Variants in ARHGAP26 observed in about 807,000 individuals in gnomAD.
The protein encoded by ARHGAP26 is Rho GTPase activating protein 26.
Under a neutral mutation model 104.8 loss-of-function variants are expected in ARHGAP26, and 38 were observed. The observed-to-expected ratio is 0.36, with a 90% CI of 0.28 to 0.48. The LOEUF (loss-of-function observed/expected upper bound fraction) is 0.48. Ranked by LOEUF, ARHGAP26 falls within the 20% of genes least tolerant of loss-of-function variation. The pLI is 0.99. For missense variants in ARHGAP26, 704 were observed against 947.9 expected (o/e 0.74, Z 3.38); for synonymous variants, 341 against 340.0 (o/e 1.00, Z -0.03).
intron 20 of ARHGAP26, among the ~76,000 whole-genome samples, chr5:143,170,834 A>C (rs957090534): frequency 1.4e-4 from 21 of 152,192 alleles, no homozygotes; most frequent in African/African-American, 4.8e-4. Context: ...AAGCTACAGA[A>C]GCTGGGTGTG....
At chr5:142,888,510 C>CA (rs1049906539) in intron 5 of ARHGAP26, among the ~76,000 whole-genome samples, 5 of 152,240 alleles carry the variant, frequency 3.3e-5, no homozygotes, top group African/African-American at 1.2e-4. Flanking sequence ...ATTAAAAATT[C>CA]AACTTTTAGG....
At chr5:143,104,697 T>C (rs978693891) in intron 17 of ARHGAP26, among the ~76,000 whole-genome samples, 10 of 152,186 alleles carry the variant, frequency 6.6e-5, no homozygotes, top group African/African-American at 2.2e-4. Flanking sequence ...TTCTAAATTA[T>C]CGAATACCCA....
At chr5:143,072,150 A>G (rs1266803736) in intron 17 of ARHGAP26, among the ~76,000 whole-genome samples, 4 of 152,352 alleles carry the variant, frequency 2.6e-5, no homozygotes, top group Admixed American at 1.3e-4. Context: ...TGGCCTGCAA[A>G]TATATGAAAA....
intron 12 of ARHGAP26, among the ~76,000 whole-genome samples, chr5:143,019,542 T>G (rs1598656406): frequency 6.6e-6 from 1 of 152,298 alleles, no homozygotes; most frequent in East Asian, 1.9e-4. Flanking sequence ...CATTTTTCTT[T>G]GTAATGAGTC....
rs1164230771 is a variant in ARHGAP26 at position 143,214,049 on chromosome 5, T to C, written c.2152T>C (p.Ser718Pro). ...ALYACKAEHD[S>P]ELSFTAGTVF... ...GTATGCCTGCAAAGCTGAACATGAC[T>C]CAGAACTTTCGTTCACAGCAGGCAC... is the stretch of plus-strand genomic sequence containing the variant. Residue 718 changes from serine (S) to proline (P), a missense_variant, in exon 22 of 23, where the codon TCA becomes CCA. By Grantham distance (74) the Ser-to-Pro change is moderately conservative (BLOSUM62 -1). Coordinates refer to ENST00000645722, the MANE Select transcript of ARHGAP26 (RefSeq NM_001135608.3). 1 of 1,583,718 alleles carries C rather than the reference T, an allele frequency of 6.3e-7. No individual in the cohort carries two copies. The highest frequency in any genetic ancestry group is 1.4e-5 in the African/African-American group (1 of 72,810).
chr5:143,103,633 T>G (rs1415020680), intron 17 of ARHGAP26, among the ~76,000 whole-genome samples: 2 of 152,060 alleles, frequency 1.3e-5, no homozygotes, highest in African/African-American at 4.8e-5. Flanking sequence ...AAGAATAAGT[T>G]CATGTCCTTT....
chr5:142,781,068 T>C (rs1367175977), intron 1 of ARHGAP26, among the ~76,000 whole-genome samples: 1 of 152,180 alleles, frequency 6.6e-6, no homozygotes. Context: ...CTCACTGTTT[T>C]GAGAGGAGGC....
rs191116996 is a variant in ARHGAP26 at position 142,874,783 on chromosome 5, A to G, written c.251-327A>G. 9.0e-5 allele frequency: 19 copies of G among 210,360 alleles called. No individual in the cohort carries two copies. In the East Asian group the frequency reaches 1.2e-3, roughly 13 times the overall value. The allele number at this position is 210,360 out of a possible 1,614,324, so 13.0% of individuals were successfully genotyped here. On this transcript the variant is annotated intron_variant, in intron 2 of 22. Transcript: ENST00000645722. ...GTCGAATCCAGACAGGAAATCCTTC[A>G]ACTCCTAAGCGGAACTCTGCCCCTT...
At chr5:142,813,242 A>G (rs895136184) in intron 1 of ARHGAP26, among the ~76,000 whole-genome samples, 1 of 152,160 alleles carries the variant, frequency 6.6e-6, no homozygotes, top group Non-Finnish European at 1.5e-5. Context: ...AATTCTATAT[A>G]ATTTCTAAAA....
At chr5:142,922,831 C>T (rs1763381189) in intron 10 of ARHGAP26, among the ~76,000 whole-genome samples, 1 of 152,168 alleles carries the variant, frequency 6.6e-6, no homozygotes, top group African/African-American at 2.4e-5. Flanking sequence ...CCCTCCCCTT[C>T]TCACCCCTTG....
intron 17 of ARHGAP26, among the ~76,000 whole-genome samples, chr5:143,069,435 A>C (rs1387520776): frequency 1.3e-5 from 2 of 152,168 alleles, no homozygotes; most frequent in African/African-American, 4.8e-5. Context: ...ATGATGTCTC[A>C]GTTCCAACTA....
At chr5:142,901,316 CATAAGTGA>C (rs529286312) in intron 6 of ARHGAP26, among the ~76,000 whole-genome samples, 1 of 152,268 alleles carries the variant, frequency 6.6e-6, no homozygotes, top group Non-Finnish European at 1.5e-5. Context: ...GGGAAACCAC[CATAAGTGA>C]AAATGTGGGA....
chr5:142,794,401 G>A (rs112919812), intron 1 of ARHGAP26, among the ~76,000 whole-genome samples: 3,987 of 152,238 alleles, frequency 0.026, 113 homozygotes, highest in African/African-American at 0.063. Flanking sequence ...CCAAGGCAAC[G>A]CAGTTACTCC....
At chr5:143,097,821 CAAAA>C (rs35803857) in intron 17 of ARHGAP26, among the ~76,000 whole-genome samples, 2 of 121,118 alleles carry the variant, frequency 1.7e-5, no homozygotes, top group Non-Finnish European at 3.3e-5. Context: ...GACTCCAACT[CAAAA>C]AAAAAAAAAA....
intron 1 of ARHGAP26, among the ~76,000 whole-genome samples, chr5:142,815,589 C>G (rs996730462): frequency 6.6e-6 from 1 of 152,108 alleles, no homozygotes; most frequent in African/African-American, 2.4e-5. Flanking sequence ...TTGAGATGTC[C>G]CTGCCACCTT....
intron 18 of ARHGAP26, among the ~76,000 whole-genome samples, chr5:143,123,751 G>A (rs1426231328): frequency 2.0e-5 from 3 of 152,216 alleles, no homozygotes; most frequent in Non-Finnish European, 4.4e-5. Flanking sequence ...CTAGCTATGG[G>A]AGGCTGAGGT....
intron 1 of ARHGAP26, among the ~76,000 whole-genome samples, chr5:142,870,388 G>C (rs1443102985): frequency 6.6e-6 from 1 of 152,144 alleles, no homozygotes; most frequent in African/African-American, 2.4e-5. Flanking sequence ...TCTCTTTTTA[G>C]TGTTGTTTTC....
chr5:143,014,361 T>C, intron 12 of ARHGAP26: 2 of 572,378 alleles, frequency 3.5e-6, no homozygotes, highest in Middle Eastern at 4.7e-4. Context: ...GGTCACACTT[T>C]ACAAAGCATT....
At chr5:143,048,895 A>G (rs1784593456) in intron 14 of ARHGAP26, among the ~76,000 whole-genome samples, 1 of 148,938 alleles carries the variant, frequency 6.7e-6, no homozygotes, top group Admixed American at 6.7e-5. Flanking sequence ...CCTGGGTAAC[A>G]GAATGAGACT....
Sources: gnomAD v4.1 joint callset for allele counts (sites outside exome capture counted in the v4.1 genomes callset) on GRCh38, gnomAD v4.1.1 for gene constraint, MANE v1.5 for transcripts, NCBI Gene and HGNC (gene_info 2026-07-23, HGNC 2026-07-21) for gene names.